Variants in HS1BP3 observed in about 807,000 individuals in gnomAD.
HS1BP3 encodes the protein HCLS1-binding protein 3.
HS1BP3 carries 32 observed loss-of-function variants against 33.5 expected under a neutral mutation model. The ratio of observed to expected loss-of-function variants is 0.95; its 90% CI spans 0.72 to 1.28. The LOEUF is 1.28. Among genes scored for constraint, HS1BP3 ranks in the 50% most tolerant of loss-of-function variants. HS1BP3 has a pLI of 0.00. For missense variants in HS1BP3, 486 were observed against 502.3 expected (o/e 0.97, Z 0.31); for synonymous variants, 187 against 209.2 (o/e 0.89, Z 0.92).
the HS1BP3 span, among the ~76,000 whole-genome samples, chr2:20,554,448 C>T: frequency 4.2e-4 from 64 of 152,260 alleles, no homozygotes; most frequent in African/African-American, 9.1e-4. Context: ...AGGGGCCAGG[C>T]GCGGTGGCTG....
Position 20,611,091 on chromosome 2 carries a change from T to G in HS1BP3, c.178+12805A>C, listed in dbSNP as rs1348348028. Among the ~76,000 whole-genome samples, 3 of 152,232 alleles carry G rather than the reference T, an allele frequency of 2.0e-5. No individual in the cohort carries two copies. The highest frequency in any genetic ancestry group is 4.4e-5 in the Non-Finnish European group (3 of 68,042). On this transcript the variant is annotated intron_variant, in intron 2 of 3. Coordinates refer to the HS1BP3 transcript ENST00000415264. The surrounding 1 kb of genome is among the most constrained non-coding windows in gnomAD (Gnocchi z 4.9). Reference sequence around the variant, plus strand: ...GGGGTCTGGCTTCTTTCACTTAGCATGTTTGTGATATCCATTGTGGTATGT... The same window carrying G: ...GGGGTCTGGCTTCTTTCACTTAGCAGGTTTGTGATATCCATTGTGGTATGT...
intron 5 of HS1BP3, among the ~76,000 whole-genome samples, chr2:20,585,714 G>C (rs1693664955): frequency 6.6e-6 from 1 of 152,212 alleles, no homozygotes; most frequent in African/African-American, 2.4e-5. Context: ...AGTGATCCCA[G>C]CTCTTCTTCC....
chr2:20,636,319 G>C (rs1362824105), intron 4 of HS1BP3: 3 of 152,336 alleles, frequency 2.0e-5, no homozygotes, highest in African/African-American at 7.2e-5. Context: ...ACACGGCTCT[G>C]GCCAAGATCC....
intron 5 of HS1BP3, among the ~76,000 whole-genome samples, chr2:20,584,531 G>T (rs905423431): frequency 6.6e-6 from 1 of 152,224 alleles, no homozygotes; most frequent in Non-Finnish European, 1.5e-5. Context: ...GTCAGCAGGG[G>T]AGGAGCAGAA....
intron 2 of HS1BP3, among the ~76,000 whole-genome samples, chr2:20,601,818 G>A (rs1358479504): frequency 1.9e-5 from 2 of 104,184 alleles, no homozygotes; most frequent in Admixed American, 1.6e-4. Context: ...TTGCTCTGTT[G>A]CCCAGGCTGG....
intron 3 of HS1BP3, chr2:20,639,964 CG>C (rs1349808525): frequency 3.9e-5 from 6 of 152,260 alleles, no homozygotes; most frequent in Non-Finnish European, 8.8e-5. Flanking sequence ...CACAGGACAC[CG>C]GGGCTGTGCA....
At chr2:20,559,077 A>G (rs903484756), downstream of HS1BP3, among the ~76,000 whole-genome samples, 11 of 152,160 alleles carry the variant, frequency 7.2e-5, no homozygotes, top group African/African-American at 2.4e-4. Flanking sequence ...CTGTATCTGC[A>G]TGGATCTCAG....
At chr2:20,639,068 C>G (rs900016589) in intron 3 of HS1BP3, among the ~76,000 whole-genome samples, 2 of 152,252 alleles carry the variant, frequency 1.3e-5, no homozygotes, top group African/African-American at 4.8e-5. Flanking sequence ...AGAACCAGTA[C>G]AGCCAGAACC....
chr2:20,645,605 GC>G, intron 1 of HS1BP3, 100 bp from the exon 2 acceptor site: 1 of 1,212,100 alleles, frequency 8.3e-7, no homozygotes. Flanking sequence ...AGGCCTGGGT[GC>G]CAGGTGACTC....
intron 4 of HS1BP3, among the ~76,000 whole-genome samples, chr2:20,630,351 G>A (rs113334847): frequency 0.047 from 7,127 of 152,044 alleles, 570 homozygotes; most frequent in African/African-American, 0.16. Context: ...CTGCAGCCTC[G>A]ACCTCCTGGG....
chr2:20,630,127 A>G (rs1694925781), intron 4 of HS1BP3, among the ~76,000 whole-genome samples: 1 of 152,246 alleles, frequency 6.6e-6, no homozygotes, highest in Admixed American at 6.5e-5. Flanking sequence ...CATGGACAGC[A>G]TGAGTCTTCA....
Position 20,629,813 on chromosome 2 carries a change from C to T in HS1BP3, c.624-4921G>A, listed in dbSNP as rs535529096. The stretch of plus-strand genomic sequence containing the variant: ...GTTCTGCAGGCGGGCGTGCAGCATA[C>T]GGGGTGAGAGGCGGCAGCTGCCGCG... On this transcript the variant is annotated intron_variant, in intron 4 of 6. Transcript: ENST00000304031. Among the ~76,000 whole-genome samples the T allele has an allele frequency of 9.8e-5, 15 of 152,366 alleles. No individual in the cohort carries two copies. In the South Asian group the frequency reaches 1.7e-3, roughly 17 times the overall value.
rs767298020 is a variant in HS1BP3, at chr2:20,611,595, T to A, written c.178+12301A>T. 6.6e-6 allele frequency among the ~76,000 whole-genome samples: 1 copy of A among 152,154 alleles called. No homozygotes were observed. Among genetic ancestry groups the A allele is most frequent in the Non-Finnish European group, 1.5e-5 (1 of 68,012 alleles). ...GCTGCCGCAGTCCTGTTGACATTAT[T>A]CCTTGTCAGAATGGCTCATTTCCAG... On this transcript the variant is annotated intron_variant, in intron 2 of 3. Coordinates refer to the HS1BP3 transcript ENST00000415264. The surrounding 1 kb of genome is among the most constrained non-coding windows in gnomAD (Gnocchi z 4.9).
intron 5 of HS1BP3, among the ~76,000 whole-genome samples, chr2:20,574,263 T>C (rs1189701592): frequency 2.6e-5 from 4 of 152,188 alleles, no homozygotes; most frequent in African/African-American, 9.6e-5. Flanking sequence ...ATTTACTAAA[T>C]GGCCATAATC....
intron 3 of HS1BP3, chr2:20,640,536 C>T (rs1695305104): frequency 4.7e-6 from 2 of 424,638 alleles, no homozygotes; most frequent in Admixed American, 7.6e-5. Flanking sequence ...AGCACATGTC[C>T]CCAGGGGCAG....
chr2:20,563,412 A>G (rs1052973227), intron 5 of HS1BP3, among the ~76,000 whole-genome samples: 2 of 152,216 alleles, frequency 1.3e-5, no homozygotes, highest in Non-Finnish European at 2.9e-5. Context: ...TCCTCAGGTT[A>G]GACCCCCAGC....
the HS1BP3 span, among the ~76,000 whole-genome samples, chr2:20,554,748 G>T: frequency 6.6e-6 from 1 of 150,724 alleles, no homozygotes; most frequent in South Asian, 2.1e-4. Flanking sequence ...TTGGAACAGT[G>T]CCTTGTCTTC....
chr2:20,558,838 G>C (rs1316837629), downstream of HS1BP3, among the ~76,000 whole-genome samples: 2 of 152,182 alleles, frequency 1.3e-5, no homozygotes, highest in Admixed American at 6.5e-5. Context: ...TGACCACAGA[G>C]GGGGTAGGGC....
chr2:20,597,491 G>A (rs1394336710), intron 3 of HS1BP3, among the ~76,000 whole-genome samples: 4 of 152,128 alleles, frequency 2.6e-5, no homozygotes, highest in Non-Finnish European at 5.9e-5. Flanking sequence ...TCTAAGAAAA[G>A]GAAGTTGATT....
Sources: gnomAD v4.1 joint callset for allele counts (sites outside exome capture counted in the v4.1 genomes callset) on GRCh38, gnomAD v4.1.1 for gene constraint, Gnocchi (gnomAD v3.1) non-coding constraint, MANE v1.5 for transcripts, NCBI Gene and HGNC (gene_info 2026-07-23, HGNC 2026-07-21) for gene names.